Variants in SCARA5 observed in about 807,000 individuals in gnomAD.
The protein encoded by SCARA5 is scavenger receptor class A, member 5 (putative).
In SCARA5, 45 loss-of-function variants were observed where a neutral mutation model predicts 46.3. The observed-to-expected ratio is 0.97, with a 90% CI of 0.76 to 1.24. The LOEUF (loss-of-function observed/expected upper bound fraction) is 1.24. Among genes scored for constraint, SCARA5 ranks in the 50% most tolerant of loss-of-function variants. The pLI is 0.00. For synonymous variants in SCARA5, 333 were observed against 306.5 expected (o/e 1.09, Z -0.90); for missense variants, 680 against 689.0 (o/e 0.99, Z 0.15).
At chr8:27,959,915 T>C (rs1230691444) in intron 3 of SCARA5, among the ~76,000 whole-genome samples, 2 of 152,180 alleles carry the variant, frequency 1.3e-5, no homozygotes, top group Non-Finnish European at 2.9e-5. Flanking sequence ...ATCCTGGAAA[T>C]GCTGTTCTGT....
chr8:27,919,625 T>C (rs1261477610), intron 4 of SCARA5, among the ~76,000 whole-genome samples: 1 of 151,834 alleles, frequency 6.6e-6, no homozygotes, highest in Non-Finnish European at 1.5e-5. Flanking sequence ...GTTCTCTCTG[T>C]GCCCCCTAGC....
intron 7 of SCARA5, among the ~76,000 whole-genome samples, chr8:27,881,714 T>C (rs1284339107): frequency 2.6e-5 from 4 of 152,182 alleles, no homozygotes; most frequent in Non-Finnish European, 4.4e-5. Flanking sequence ...AAATAGCCTT[T>C]TTTAAAGAGC....
chr8:27,966,315 G>T (rs11780263), intron 3 of SCARA5, 99 bp downstream of exon 3: 1 of 1,232,424 alleles, frequency 8.1e-7, no homozygotes, highest in African/African-American at 1.5e-5. Context: ...ATGGTGACAA[G>T]GGCAGTGTTT....
chr8:27,957,110 A>T (rs930756720), intron 3 of SCARA5, among the ~76,000 whole-genome samples: 2 of 152,128 alleles, frequency 1.3e-5, no homozygotes, highest in Non-Finnish European at 2.9e-5. Context: ...GGAGGTGCAA[A>T]GCTGCAGAAG....
At chr8:27,921,516 A>G in intron 4 of SCARA5, 55 bp downstream of exon 4, 8 of 1,450,636 alleles carry the variant, frequency 5.5e-6, no homozygotes, top group Non-Finnish European at 7.4e-6. Context: ...GGCGTGCAGG[A>G]GGAAGACCCC....
intron 7 of SCARA5, among the ~76,000 whole-genome samples, chr8:27,887,304 A>T (rs1806912348): frequency 6.6e-6 from 1 of 152,114 alleles, no homozygotes; most frequent in South Asian, 2.1e-4. Flanking sequence ...CCGTGTGGGT[A>T]TCTGATTTGC....
At chr8:27,879,491 A>T in intron 8 of SCARA5, 78 bp downstream of exon 8, 1 of 1,398,610 alleles carries the variant, frequency 7.1e-7, no homozygotes, top group Non-Finnish European at 1.0e-6. Context: ...AGTGGAAGGG[A>T]CTCGGGCTTT....
chr8:27,987,666 G>C (rs1163086420), intron 1 of SCARA5, 36 bp from the exon 2 acceptor site: 1 of 1,241,878 alleles, frequency 8.1e-7, no homozygotes, highest in African/African-American at 1.5e-5. Context: ...GAGGGAGGAC[G>C]AAGGCCGGGA....
At chr8:27,938,175 A>G (rs1216301693) in intron 3 of SCARA5, among the ~76,000 whole-genome samples, 1 of 152,146 alleles carries the variant, frequency 6.6e-6, no homozygotes. Flanking sequence ...TTCTAGAACC[A>G]AGCGCTTCCT....
chr8:27,988,844 A>G (rs1808742616), intron 1 of SCARA5, among the ~76,000 whole-genome samples: 1 of 152,162 alleles, frequency 6.6e-6, no homozygotes, highest in Non-Finnish European at 1.5e-5. Flanking sequence ...TAAAAGCCCC[A>G]TGAGGATGGG....
Position 27,882,708 on chromosome 8 carries a change from C to G in SCARA5, c.1154-2942G>C, listed in dbSNP as rs148509242. Among the ~76,000 whole-genome samples, 631 of 152,236 alleles carry G rather than the reference C, an allele frequency of 4.1e-3. 1 individual carries two copies. The highest frequency in any genetic ancestry group is 0.014 in the African/African-American group (592 of 41,550). Reference sequence around the variant, plus strand: ...CATTGGTTCATCAAATCTGAGATGCCACCTGTTGTAATGGGCGCCTGTTTT... The same window carrying G: ...CATTGGTTCATCAAATCTGAGATGCGACCTGTTGTAATGGGCGCCTGTTTT... On this transcript the variant is annotated intron_variant, in intron 7 of 8. Coordinates refer to ENST00000354914, the MANE Select transcript of SCARA5 (RefSeq NM_173833.6).
At chr8:27,909,799 G>A (rs1273652840) in intron 4 of SCARA5, 56 bp from the exon 5 acceptor site, 5 of 1,235,638 alleles carry the variant, frequency 4.0e-6, no homozygotes, top group Non-Finnish European at 4.6e-6. Flanking sequence ...AACAGGACCA[G>A]GTCATCTGTA....
At chr8:27,876,066 G>T (rs1432432074) in intron 8 of SCARA5, among the ~76,000 whole-genome samples, 2 of 152,162 alleles carry the variant, frequency 1.3e-5, no homozygotes, top group South Asian at 2.1e-4. Context: ...TAGCCTGCAG[G>T]TGTGGTGGCC....
chr8:27,881,113 G>GC (rs767898672), intron 7 of SCARA5, among the ~76,000 whole-genome samples: 2 of 152,166 alleles, frequency 1.3e-5, no homozygotes, highest in Non-Finnish European at 2.9e-5. Context: ...AATTAGTTCA[G>GC]CCACTGTGGA....
chr8:27,907,639 G>A (rs1205201141), intron 5 of SCARA5, among the ~76,000 whole-genome samples: 1 of 143,384 alleles, frequency 7.0e-6, no homozygotes, highest in African/African-American at 2.6e-5. Context: ...GCACGATCTC[G>A]GCTCACTACA....
chr8:27,940,151 C>T (rs1435343425), intron 3 of SCARA5, among the ~76,000 whole-genome samples: 2 of 152,350 alleles, frequency 1.3e-5, no homozygotes, highest in Middle Eastern at 6.8e-3. Flanking sequence ...GCAGCATAAG[C>T]TCTCCCCACT....
intron 7 of SCARA5, chr8:27,904,456 C>T (rs1283917114): frequency 3.9e-6 from 2 of 507,158 alleles, no homozygotes; most frequent in Non-Finnish European, 7.0e-6. Context: ...GTAAAGACTC[C>T]TGTTATCCCT....
At chr8:27,951,094 GA>G (rs1404777096) in intron 3 of SCARA5, among the ~76,000 whole-genome samples, 4 of 152,220 alleles carry the variant, frequency 2.6e-5, no homozygotes, top group African/African-American at 9.6e-5. Context: ...AAGAGGTTTA[GA>G]AATTTGCCCA....
chr8:27,966,374 C>T, intron 3 of SCARA5, 40 bp downstream of exon 3: 2 of 1,558,586 alleles, frequency 1.3e-6, no homozygotes, highest in South Asian at 1.2e-5. Flanking sequence ...GTCTTCCTTC[C>T]TCATCCCAAA....
Sources: allele counts gnomAD v4.1 joint callset (sites outside exome capture counted in the v4.1 genomes callset), GRCh38; gene constraint gnomAD v4.1.1; transcripts MANE v1.5; gene names NCBI Gene and HGNC (gene_info 2026-07-23, HGNC 2026-07-21).